The following CALCOCO2 variants were observed in gnomAD, a reference collection of about 807,000 sequenced individuals.
CALCOCO2 encodes the protein calcium binding and coiled-coil domain 2.
A neutral mutation model predicts 62.5 loss-of-function variants in CALCOCO2; 42 were observed. The ratio of observed to expected loss-of-function variants is 0.67; its 90% CI spans 0.53 to 0.87. The LOEUF is 0.87. CALCOCO2 is among the 40% of genes least tolerant of loss of function. The pLI is 0.00. For synonymous variants in CALCOCO2, 167 were observed against 173.0 expected, an observed-to-expected ratio of 0.97 and a Z score of 0.27; for missense variants, 456 against 515.0, an observed-to-expected ratio of 0.89 and a Z score of 1.11.
intron 9 of CALCOCO2, 142 bp from the exon 10 acceptor site, chr17:48,855,950 C>A: frequency 2.3e-6 from 1 of 430,982 alleles, no homozygotes; most frequent in Non-Finnish European, 4.2e-6. Flanking sequence ...GCACCCTGCC[C>A]ATAGTACCAT....
intron 1 of CALCOCO2, among the ~76,000 whole-genome samples, chr17:48,836,342 G>A (rs540094737): frequency 6.6e-6 from 1 of 152,242 alleles, no homozygotes; most frequent in African/African-American, 2.4e-5. Flanking sequence ...TTTTAGAAAA[G>A]AGAAAGCTGA....
At position 48,831,038 on chromosome 17, in the gene CALCOCO2, C is replaced by G. The variant is rs1408472367; in HGVS notation, c.-51C>G. 6.6e-6 allele frequency: 1 copy of G among 152,344 alleles called. No homozygotes were observed. The highest frequency in any genetic ancestry group is 1.5e-5 in the Non-Finnish European group (1 of 68,214). The allele number at this position is 152,344 out of a possible 1,614,324, so 9.4% of individuals were successfully genotyped here. A position where few individuals can be genotyped will look rare whatever the true frequency, so the allele number is the denominator to read the frequency against. On this transcript the variant is annotated 5_prime_UTR_variant, in exon 1 of 13. Transcript: ENST00000258947. Reference sequence around the variant, plus strand: ...TGCTTAGCCCCGCCCCCGTCCCACTCTGCCCTGTTGCTGTCGCGCCGCTGC... The same window carrying G: ...TGCTTAGCCCCGCCCCCGTCCCACTGTGCCCTGTTGCTGTCGCGCCGCTGC...
intron 2 of CALCOCO2, among the ~76,000 whole-genome samples, chr17:48,843,001 T>C (rs1271793390): frequency 6.6e-6 from 1 of 152,208 alleles, no homozygotes; most frequent in East Asian, 1.9e-4. Context: ...CATTACTTCC[T>C]TACTTGGTAT....
chr17:48,850,687 A>G (rs1487755036), intron 5 of CALCOCO2, among the ~76,000 whole-genome samples: 1 of 152,182 alleles, frequency 6.6e-6, no homozygotes. Context: ...CTCTCAGTAA[A>G]TATTTGTTTA....
chr17:48,859,779 CA>C lies in CALCOCO2; in HGVS notation c.1009-531del, dbSNP rs762202543. Among the ~76,000 whole-genome samples the C allele has an allele frequency of 2.6e-5, 4 of 152,024 alleles. No individual in the cohort carries two copies. The South Asian group carries it at 6.2e-4, about 24-fold the overall frequency. ...TAAAACTTTTTTGTATTAATATAAA[CA>C]AAATGTAGTAAATATATTTAAATTC... On this transcript the variant is annotated intron_variant, in intron 10 of 12. Coordinates refer to ENST00000258947, the MANE Select transcript of CALCOCO2 (RefSeq NM_005831.5).
At chr17:48,844,479 A>G (rs950534668) in intron 2 of CALCOCO2, among the ~76,000 whole-genome samples, 1 of 151,380 alleles carries the variant, frequency 6.6e-6, no homozygotes, top group African/African-American at 2.4e-5. Context: ...TTTAAGATGG[A>G]GTTTTGCTCT....
rs755199752 is a variant in CALCOCO2, at chr17:48,849,403, T to C, written c.543+26T>C. 1.1e-5 allele frequency: 17 copies of C among 1,606,710 alleles called. No homozygotes were observed. In the East Asian group the frequency reaches 3.8e-4, roughly 36 times the overall value. On this transcript the variant is annotated intron_variant, in intron 5 of 12. Transcript: ENST00000258947. ...GTATGGCTGCTGGTTATAGGTGACC[T>C]TGGAGCATGGAGATCAGAATTGGAT...
intron 7 of CALCOCO2, 197 bp downstream of exon 7, chr17:48,851,825 T>TA (rs1001485490): frequency 0.024 from 9,459 of 391,660 alleles, 13 homozygotes; most frequent in African/African-American, 0.032. Context: ...CCCCTGCTTT[T>TA]AAAAAAAAAA....
chr17:48,841,812 A>G lies in CALCOCO2; in HGVS notation c.105A>G (p.Gly35=). The G allele has an allele frequency of 6.2e-7, 1 of 1,613,526 alleles. No homozygotes were observed. Among genetic ancestry groups the G allele is most frequent in the East Asian group, 2.2e-5 (1 of 44,866 alleles). Residue 35 remains glycine, a synonymous_variant, in exon 2 of 13, where the codon GGA becomes GGG. Coordinates refer to ENST00000258947, the MANE Select transcript of CALCOCO2 (RefSeq NM_005831.5). ...FNSVEKFYIP[G]GDVTCHYTFT... Reference sequence around the variant, plus strand: ...GTGTGGAGAAGTTCTACATCCCTGGAGGGGACGTCACATGTCATTATACCT... The same window carrying G: ...GTGTGGAGAAGTTCTACATCCCTGGGGGGGACGTCACATGTCATTATACCT...
chr17:48,835,628 C>T (rs930903836), intron 1 of CALCOCO2, among the ~76,000 whole-genome samples: 1 of 152,188 alleles, frequency 6.6e-6, no homozygotes, highest in Admixed American at 6.5e-5. Flanking sequence ...TGACTATACA[C>T]TCAAGCCTCA....
intron 9 of CALCOCO2, among the ~76,000 whole-genome samples, chr17:48,855,373 T>C (rs1380742234): frequency 1.3e-5 from 2 of 152,172 alleles, no homozygotes; most frequent in Non-Finnish European, 2.9e-5. Flanking sequence ...CATTACTACC[T>C]CAGGGTCGGC....
At chr17:48,846,159 C>A in intron 2 of CALCOCO2, 1 of 834,376 alleles carries the variant, frequency 1.2e-6, no homozygotes, top group Non-Finnish European at 1.8e-6. Flanking sequence ...TATTTTGAGA[C>A]AGAGTCTTGC....
rs2039977065 is a variant in CALCOCO2 at position 48,841,815 on chromosome 17, G to A, written c.108G>A (p.Gly36=). Reference sequence around the variant, plus strand: ...TGGAGAAGTTCTACATCCCTGGAGGGGACGTCACATGTCATTATACCTTCA... The same window carrying A: ...TGGAGAAGTTCTACATCCCTGGAGGAGACGTCACATGTCATTATACCTTCA... ...NSVEKFYIPG[G]DVTCHYTFTQ... Residue 36 remains glycine, a synonymous_variant, in exon 2 of 13, where the codon GGG becomes GGA. Transcript: ENST00000258947. The A allele has an allele frequency of 6.2e-7, 1 of 1,613,422 alleles. No homozygotes were observed. The highest frequency in any genetic ancestry group is 8.5e-7 in the Non-Finnish European group (1 of 1,179,592).
At chr17:48,841,362 T>C (rs2039972301) in intron 1 of CALCOCO2, among the ~76,000 whole-genome samples, 1 of 152,086 alleles carries the variant, frequency 6.6e-6, no homozygotes, top group Non-Finnish European at 1.5e-5. Flanking sequence ...ATTTAACAGT[T>C]CCCAGCTCAG....
rs866073397 is a variant in CALCOCO2 at position 48,840,505 on chromosome 17, T to C, written c.-10-1193T>C. ...GGTGAAACACAGTGTATTATCCCCATTTATAGCTAGGGATCCAAACTTGTT... is the reference window on the plus strand; with the variant it reads ...GGTGAAACACAGTGTATTATCCCCACTTATAGCTAGGGATCCAAACTTGTT... On this transcript the variant is annotated intron_variant, in intron 1 of 12. Transcript: ENST00000258947. 2.0e-5 allele frequency among the ~76,000 whole-genome samples: 3 copies of C among 152,212 alleles called. No individual in the cohort carries two copies. The East Asian group carries it at 5.8e-4, about 29-fold the overall frequency.
chr17:48,863,254 T>G lies in CALCOCO2; in HGVS notation c.*249T>G. ...TGTATCATCCTCTCACCTGTCATTCTTCTGAGGGTCTCAGTACAAGGGCCC... is the reference window on the plus strand; with the variant it reads ...TGTATCATCCTCTCACCTGTCATTCGTCTGAGGGTCTCAGTACAAGGGCCC... On this transcript the variant is annotated 3_prime_UTR_variant, in exon 13 of 13. Transcript: ENST00000258947. 2.3e-6 allele frequency: 1 copy of G among 435,020 alleles called. No individual in the cohort carries two copies. The highest frequency in any genetic ancestry group is 4.8e-5 in the East Asian group (1 of 20,998). The allele number at this position is 435,020 out of a possible 1,614,324, so 26.9% of individuals were successfully genotyped here. A position where few individuals can be genotyped will look rare whatever the true frequency, so the allele number is the denominator to read the frequency against.
rs1202250882 is a variant in CALCOCO2 at position 48,864,398 on chromosome 17, A to G, written c.*1393A>G. ...GACTTCTTGCTGTAACTTTCCATGC[A>G]TTTTTTTTAAAAGGAGCAGTGTGGA... is the stretch of plus-strand genomic sequence containing the variant. On this transcript the variant is annotated 3_prime_UTR_variant, in exon 13 of 13. Transcript: ENST00000258947. 2 of 154,040 alleles carry G rather than the reference A, an allele frequency of 1.3e-5. No individual in the cohort carries two copies. The highest frequency in any genetic ancestry group is 2.9e-5 in the Non-Finnish European group (2 of 68,150). 9.5% of individuals were successfully genotyped at this position (154,040 alleles called of 1,614,324 possible).
At chr17:48,850,091 G>A (rs1014614805) in intron 5 of CALCOCO2, among the ~76,000 whole-genome samples, 1 of 152,084 alleles carries the variant, frequency 6.6e-6, no homozygotes, top group Non-Finnish European at 1.5e-5. Context: ...ACAAGGTCAG[G>A]AGTTTGAGAC....
chr17:48,846,644 A>G (rs2040057347), intron 2 of CALCOCO2: 1 of 613,456 alleles, frequency 1.6e-6, no homozygotes, highest in Non-Finnish European at 2.9e-6. Flanking sequence ...TGCTTCCTGT[A>G]CCACCGCAGG....
Sources: gnomAD v4.1 joint callset for allele counts (sites outside exome capture counted in the v4.1 genomes callset) on GRCh38, gnomAD v4.1.1 for gene constraint, MANE v1.5 for transcripts, NCBI Gene and HGNC (gene_info 2026-07-23, HGNC 2026-07-21) for gene names.